The following RYR1 variants were observed in gnomAD, a reference collection of about 807,000 sequenced individuals.
RYR1 encodes the protein ryanodine receptor 1.
A neutral mutation model predicts 583.5 loss-of-function variants in RYR1; 342 were observed. The ratio of observed to expected loss-of-function variants is 0.59; its 90% CI spans 0.54 to 0.64. RYR1 has a LOEUF of 0.64. Ranked by LOEUF, RYR1 falls within the 30% of genes least tolerant of loss-of-function variation. RYR1 has a pLI of 0.00. For missense variants in RYR1, 6,032 were observed against 6,917.2 expected, an observed-to-expected ratio of 0.87 and a Z score of 4.54; for synonymous variants, 2,791 against 2,822.5, an observed-to-expected ratio of 0.99 and a Z score of 0.35.
rs1402529577 is a variant in RYR1 at position 38,492,640 on chromosome 19, A to C, written c.6274+4A>C. On this transcript the variant is annotated splice_donor_region_variant and intron_variant, in intron 38 of 105. Coordinates refer to ENST00000359596, the MANE Select transcript of RYR1 (RefSeq NM_000540.3). Reference sequence around the variant, plus strand: ...TCAGCAGAGGAGAGCAAACCCCGTGAGGACTGGGGTCACTGGGGAGAGGGC... The same window carrying C: ...TCAGCAGAGGAGAGCAAACCCCGTGCGGACTGGGGTCACTGGGGAGAGGGC... The C allele has an allele frequency of 2.2e-6, 3 of 1,352,902 alleles. No homozygotes were observed. The East Asian group carries it at 1.1e-4, about 48-fold the overall frequency. 83.8% of individuals were successfully genotyped at this position (1,352,902 alleles called of 1,614,324 possible). A position where few individuals can be genotyped will look rare whatever the true frequency, so the allele number is the denominator to read the frequency against.
At chr19:38,580,295 C>T in intron 100 of RYR1, 75 bp from the exon 101 acceptor site, 1 of 1,601,364 alleles carries the variant, frequency 6.2e-7, no homozygotes. Flanking sequence ...TGAACCGGGG[C>T]CAGGACCCAG....
intron 78 of RYR1, among the ~76,000 whole-genome samples, chr19:38,533,619 C>T (rs1029192245): frequency 6.6e-6 from 1 of 152,000 alleles, no homozygotes; most frequent in Non-Finnish European, 1.5e-5. Context: ...TGGTGAAACC[C>T]CATCTCTACT....
rs368909156 is a variant in RYR1, at chr19:38,535,319, A to T, written c.11443A>T (p.Met3815Leu). Residue 3815 changes from methionine to leucine, a missense_variant, in exon 81 of 106, where the codon ATG becomes TTG. This residue lies in a region of RYR1 where 1,493 missense variants were observed against 1,715.5 expected (regional missense o/e 0.87). Transcript: ENST00000359596. ...TCCCCTGCCTCGCCCTCTGCAGAAA[A>T]TGCTGGATTATCTTAAGGACAAGAA... ...NGGNAEVQQK[M>L]LDYLKDKKEV... 35 of 1,614,078 alleles carry T rather than the reference A, an allele frequency of 2.2e-5. No individual in the cohort carries two copies. The East Asian group carries it at 7.3e-4, about 34-fold the overall frequency.
At chr19:38,586,239 A>G in intron 104 of RYR1, 48 bp downstream of exon 104, 1 of 1,543,338 alleles carries the variant, frequency 6.5e-7, no homozygotes. Flanking sequence ...CATGGCTGCC[A>G]ATAGCCAGCA....
intron 29 of RYR1, 37 bp from the exon 30 acceptor site, chr19:38,477,673 C>T (rs201296451): frequency 9.9e-6 from 16 of 1,613,942 alleles, no homozygotes; most frequent in Admixed American, 3.3e-5. Context: ...TCCCTGACTT[C>T]CAGACTGACC....
At chr19:38,519,172 C>A in intron 66 of RYR1, 42 bp from the exon 67 acceptor site, 1 of 1,613,564 alleles carries the variant, frequency 6.2e-7, no homozygotes, top group South Asian at 1.1e-5. Context: ...GGGCCTGTGT[C>A]AGAGGCCGGA....
chr19:38,485,899 T>G lies in RYR1; in HGVS notation c.5244T>G (p.Pro1748=). Residue 1748 remains proline, a synonymous_variant, in exon 34 of 106, where the codon CCT becomes CCG. Transcript: ENST00000359596. ...TPETRAITLF[P]PGRSTENGHP... Reference sequence around the variant, plus strand: ...AGACCCGCGCCATCACGCTCTTCCCTCCTGGAAGGAGCACAGAAAATGGTC... The same window carrying G: ...AGACCCGCGCCATCACGCTCTTCCCGCCTGGAAGGAGCACAGAAAATGGTC... 2 of 1,613,640 alleles carry G rather than the reference T, an allele frequency of 1.2e-6. No homozygotes were observed. Among genetic ancestry groups the G allele is most frequent in the South Asian group, 1.1e-5 (1 of 91,084 alleles).
At chr19:38,544,973 C>G (rs1972359269) in intron 87 of RYR1, among the ~76,000 whole-genome samples, 3 of 152,134 alleles carry the variant, frequency 2.0e-5, no homozygotes, top group Admixed American at 1.3e-4. Flanking sequence ...TGCAAGCAGG[C>G]TGTCTCCCTG....
rs76785884 is a variant in RYR1 at position 38,453,213 on chromosome 19, G to A, written c.1440+199G>A. 9.0e-3 allele frequency among the ~76,000 whole-genome samples: 1,364 copies of A among 151,646 alleles called. 19 individuals carry two copies. Among genetic ancestry groups the A allele is most frequent in the East Asian group, 0.033 (170 of 5,128 alleles). ...GATGGGGCGGGGCCTTGGGAGGGGC[G>A]GGCCTGCTGTGCTGGTGGGCAGGAC... On this transcript the variant is annotated intron_variant, in intron 13 of 105. Coordinates refer to ENST00000359596, the MANE Select transcript of RYR1 (RefSeq NM_000540.3).
intron 96 of RYR1, 59 bp from the exon 97 acceptor site, chr19:38,575,860 G>A (rs1199998450): frequency 6.3e-7 from 1 of 1,585,612 alleles, no homozygotes; most frequent in South Asian, 1.1e-5. Flanking sequence ...GTGGCTGACA[G>A]CTCTGATCCC....
chr19:38,477,462 G>C (rs1290403610), intron 29 of RYR1, among the ~76,000 whole-genome samples: 1 of 152,136 alleles, frequency 6.6e-6, no homozygotes, highest in African/African-American at 2.4e-5. Context: ...TTATTTGTCA[G>C]TCTACTGTAA....
At chr19:38,525,622 C>A in intron 71 of RYR1, 120 bp downstream of exon 71, 1 of 1,067,182 alleles carries the variant, frequency 9.4e-7, no homozygotes, top group Non-Finnish European at 1.4e-6. Flanking sequence ...GGGAGCCTTC[C>A]CTTCAGACCC....
At chr19:38,443,819 G>A (rs760962646) in intron 5 of RYR1, 23 bp downstream of exon 5, 2 of 1,612,226 alleles carry the variant, frequency 1.2e-6, no homozygotes, top group East Asian at 2.2e-5. Context: ...GAGGGGATGG[G>A]GGTGTGAAGG....
chr19:38,539,653 G>A, intron 84 of RYR1, among the ~76,000 whole-genome samples: 1 of 152,092 alleles, frequency 6.6e-6, no homozygotes, highest in East Asian at 1.9e-4. Flanking sequence ...TGTTATGAAA[G>A]GGATTGCTGT....
chr19:38,521,977 G>A (rs1971246369), intron 67 of RYR1, among the ~76,000 whole-genome samples: 2 of 151,916 alleles, frequency 1.3e-5, no homozygotes. Flanking sequence ...CAAAGTGCTG[G>A]GATTACAGGC....
chr19:38,490,029 G>A, intron 35 of RYR1, 47 bp from the exon 36 acceptor site: 1 of 1,594,610 alleles, frequency 6.3e-7, no homozygotes, highest in Non-Finnish European at 8.6e-7. Flanking sequence ...AGGAAGTCCT[G>A]ATGGTCTCAC....
Position 38,561,289 on chromosome 19 carries a change from G to A in RYR1, c.12459G>A (p.Val4153=), listed in dbSNP as rs759562993. 3.1e-6 allele frequency: 5 copies of A among 1,614,064 alleles called. No homozygotes were observed. Among genetic ancestry groups the A allele is most frequent in the South Asian group, 1.1e-5 (1 of 91,092 alleles). ...AVLLTNLSEH[V]PHDPRLHNFL... is the part of the protein sequence containing the mutation. ...TGCTGACCAACCTGTCGGAGCATGTGCCGCATGACCCTCGCCTGCACAACT... is the reference window on the plus strand; with the variant it reads ...TGCTGACCAACCTGTCGGAGCATGTACCGCATGACCCTCGCCTGCACAACT... Residue 4153 remains valine, a synonymous_variant, in exon 90 of 106, where the codon GTG becomes GTA. Transcript: ENST00000359596. This position sits in a 1 kb window ranked among gnomAD's most constrained non-coding sequence, Gnocchi z 4.8.
intron 99 of RYR1, 58 bp downstream of exon 99, chr19:38,578,262 T>C (rs1974049486): frequency 3.8e-6 from 6 of 1,568,424 alleles, no homozygotes; most frequent in African/African-American, 1.4e-5. Flanking sequence ...GTTAGGAGGG[T>C]TCCCAACGTC....
chr19:38,532,720 T>C lies in RYR1; in HGVS notation c.11243T>C (p.Val3748Ala). Residue 3748 changes from valine to alanine, a missense_variant, in exon 78 of 106, where the codon GTT (valine) becomes GCT (alanine). Physicochemically the swap from Val to Ala is moderately conservative, Grantham distance 64. Coordinates refer to ENST00000359596, the MANE Select transcript of RYR1 (RefSeq NM_000540.3). ...GAGAACGGTGAAGCTGAAGAGGAGG[T>C]TGAGGTCTCCTTTGAGGTAGGTGGG... ...GGENGEAEEEVEVSFEEKQME... is the reference protein window; with the variant it reads ...GGENGEAEEEAEVSFEEKQME... 2 of 1,613,688 alleles carry C rather than the reference T, an allele frequency of 1.2e-6. No individual in the cohort carries two copies. Among genetic ancestry groups the C allele is most frequent in the Non-Finnish European group, 1.7e-6 (2 of 1,179,942 alleles).
Sources: allele counts gnomAD v4.1 joint callset (sites outside exome capture counted in the v4.1 genomes callset), GRCh38; gene constraint gnomAD v4.1.1; regional missense constraint gnomAD v4.1.1; non-coding constraint Gnocchi (gnomAD v3.1); transcripts MANE v1.5; gene names NCBI Gene and HGNC (gene_info 2026-07-23, HGNC 2026-07-21).